NDUFAF6: variants seen among roughly 807,000 people sequenced by gnomAD.
NDUFAF6 encodes the protein NADH:ubiquinone oxidoreductase complex assembly factor 6, also known as NADH dehydrogenase (ubiquinone) complex I, assembly factor 6.
NDUFAF6 carries 45 observed loss-of-function variants against 40.8 expected under a neutral mutation model. The observed-to-expected ratio is 1.10, with a 90% confidence interval of 0.87 to 1.42. NDUFAF6 has a LOEUF of 1.42. Among genes scored for constraint, NDUFAF6 ranks in the 40% most tolerant of loss-of-function variants. NDUFAF6 has a pLI of 0.00. For missense variants in NDUFAF6, 435 were observed against 418.5 expected, an observed-to-expected ratio of 1.04 and a Z score of -0.34; for synonymous variants, 185 against 155.9, an observed-to-expected ratio of 1.19 and a Z score of -1.39.
intron 1 of NDUFAF6, among the ~76,000 whole-genome samples, chr8:95,030,925 A>G (rs1182082358): frequency 1.3e-5 from 2 of 152,154 alleles, no homozygotes; most frequent in African/African-American, 4.8e-5. Flanking sequence ...TCACATGGCA[A>G]GAGAGGAAGC....
At chr8:94,969,957 G>A (rs190448981) in intron 1 of NDUFAF6, among the ~76,000 whole-genome samples, 7 of 152,238 alleles carry the variant, frequency 4.6e-5, no homozygotes, top group Admixed American at 3.9e-4. Flanking sequence ...AAGAAATACA[G>A]ATTAAAACCT....
At position 95,057,869 on chromosome 8, in the gene NDUFAF6, T is replaced by C; in HGVS notation, c.934T>C (p.Ser312Pro). 6.2e-7 allele frequency: 1 copy of C among 1,606,842 alleles called. No individual in the cohort carries two copies. The highest frequency in any genetic ancestry group is 8.5e-7 in the Non-Finnish European group (1 of 1,173,588). ...AGTGGATTTTGATATATTCCACCCA[T>C]CTTTACAGCAGAAGAATACATTACT... ...QRVDFDIFHP[S>P]LQQKNTLLPL... The change falls in exon 9 of 9, where the codon TCT becomes CCT. Residue 312 changes from serine to proline, a missense_variant. Coordinates refer to ENST00000396124, the MANE Select transcript of NDUFAF6 (RefSeq NM_152416.4).
intron 4 of NDUFAF6, among the ~76,000 whole-genome samples, chr8:95,043,364 C>T (rs1009576538): frequency 6.6e-6 from 1 of 151,904 alleles, no homozygotes; most frequent in African/African-American, 2.4e-5. Flanking sequence ...GCTGGGATTA[C>T]AGGCTTGAGC....
At chr8:94,981,069 C>T (rs900871833) in intron 2 of NDUFAF6, 6 of 429,688 alleles carry the variant, frequency 1.4e-5, no homozygotes, top group Non-Finnish European at 2.8e-5. Context: ...GGTTTATCCC[C>T]ACAAAACTCA....
intron 7 of NDUFAF6, among the ~76,000 whole-genome samples, chr8:95,050,643 A>T (rs925545649): frequency 6.6e-6 from 1 of 152,216 alleles, no homozygotes; most frequent in African/African-American, 2.4e-5. Context: ...CATCATCATC[A>T]TCAAATAAAG....
At position 94,985,495 on chromosome 8, in the gene NDUFAF6, A is replaced by ATT. The variant is rs1563770683; in HGVS notation, c.-84+4523_-84+4524insTT. On this transcript the variant is annotated intron_variant, in intron 2 of 9. Transcript: ENST00000396111. The stretch of plus-strand genomic sequence containing the variant: ...TATATATATATATATATATATATAT[A>ATT]TATATATATATATATATATATTTTT... Among the ~76,000 whole-genome samples, 43 of 6,668 alleles carry ATT rather than the reference A, an allele frequency of 6.4e-3. 2 individuals carry two copies. The highest frequency in any genetic ancestry group is 0.011 in the Non-Finnish European group (35 of 3,188). The allele number at this position is 6,668 out of a possible 152,430, so 4.4% of individuals were successfully genotyped here.
chr8:94,983,413 C>T (rs934195992), intron 2 of NDUFAF6, among the ~76,000 whole-genome samples: 7 of 151,860 alleles, frequency 4.6e-5, no homozygotes, highest in South Asian at 2.1e-4. Flanking sequence ...TACAGGTGTG[C>T]GCCACCACTG....
At chr8:95,017,455 C>T (rs1035512443) in intron 2 of NDUFAF6, among the ~76,000 whole-genome samples, 1 of 152,198 alleles carries the variant, frequency 6.6e-6, no homozygotes, top group African/African-American at 2.4e-5. Context: ...TCATGAGCAT[C>T]TATCCATGTG....
At chr8:95,099,466 G>A (rs1399869689), upstream of NDUFAF6, among the ~76,000 whole-genome samples, 21 of 151,960 alleles carry the variant, frequency 1.4e-4, no homozygotes. Context: ...TGAGCGTAAA[G>A]AGTTCTTATA....
chr8:95,025,231 G>A, intron 1 of NDUFAF6, 26 bp downstream of exon 1: 1 of 1,374,876 alleles, frequency 7.3e-7, no homozygotes, highest in Non-Finnish European at 9.3e-7. Flanking sequence ...CTTCCCTGGC[G>A]CGGCGGGAAG....
downstream of NDUFAF6, among the ~76,000 whole-genome samples, chr8:95,104,906 T>A (rs1361882459): frequency 6.6e-6 from 1 of 152,032 alleles, no homozygotes; most frequent in Non-Finnish European, 1.5e-5. Flanking sequence ...GAGAATAAAG[T>A]TGTTAGTGAC....
At chr8:95,034,431 TC>T (rs1829236781) in intron 2 of NDUFAF6, among the ~76,000 whole-genome samples, 1 of 152,316 alleles carries the variant, frequency 6.6e-6, no homozygotes. Flanking sequence ...TGGCATTTTT[TC>T]CCCCTTCTGT....
chr8:94,963,629 T>C (rs2131494033), intron 1 of NDUFAF6, among the ~76,000 whole-genome samples: 1 of 152,330 alleles, frequency 6.6e-6, no homozygotes, highest in Non-Finnish European at 1.5e-5. Flanking sequence ...GCCAGACATC[T>C]AACTAGGTAA....
At chr8:94,941,080 G>A in intron 1 of NDUFAF6, 1 of 624,802 alleles carries the variant, frequency 1.6e-6, no homozygotes, top group Non-Finnish European at 2.8e-6. Flanking sequence ...AAAGCAAGAA[G>A]AGTCATTGTA....
chr8:94,902,864 T>G (rs944134632), intron 1 of NDUFAF6, among the ~76,000 whole-genome samples: 6 of 151,716 alleles, frequency 4.0e-5, no homozygotes, highest in African/African-American at 1.2e-4. Flanking sequence ...CCCAGCTAAT[T>G]TTTATATTTT....
At chr8:94,953,779 A>G (rs1411461782), upstream of NDUFAF6, among the ~76,000 whole-genome samples, 3 of 149,964 alleles carry the variant, frequency 2.0e-5, no homozygotes, top group East Asian at 2.0e-4. Flanking sequence ...TAAATAATCT[A>G]CCTATTTAAG....
chr8:94,976,658 A>G (rs1824973580), intron 1 of NDUFAF6, among the ~76,000 whole-genome samples: 1 of 140,228 alleles, frequency 7.1e-6, no homozygotes, highest in African/African-American at 2.6e-5. Context: ...TGGGCAACAG[A>G]GCAAGACTTC....
At chr8:95,081,160 T>C (rs1808849930), downstream of NDUFAF6, among the ~76,000 whole-genome samples, 1 of 82,018 alleles carries the variant, frequency 1.2e-5, no homozygotes, top group African/African-American at 3.9e-5. Context: ...TTTTTTTTTT[T>C]TTTTTTTTTT....
In NDUFAF6 at chr8:94,932,718, G is replaced by C. The variant is rs1820540008; in HGVS notation, c.-935-12765G>C. On this transcript the variant is annotated intron_variant, in intron 1 of 14. Coordinates refer to the NDUFAF6 transcript ENST00000396113. ...CTCGGGAGGCTGAGGCAGGAGAACGGCATGAACCCAGGAGGCGGAGCTTGC... is the reference window on the plus strand; with the variant it reads ...CTCGGGAGGCTGAGGCAGGAGAACGCCATGAACCCAGGAGGCGGAGCTTGC... 2.6e-5 allele frequency among the ~76,000 whole-genome samples: 4 copies of C among 152,292 alleles called. No individual in the cohort carries two copies. The South Asian group carries it at 8.3e-4, about 32-fold the overall frequency.
Sources: gnomAD v4.1 joint callset for allele counts (sites outside exome capture counted in the v4.1 genomes callset) on GRCh38, gnomAD v4.1.1 for gene constraint, MANE v1.5 for transcripts, NCBI Gene and HGNC (gene_info 2026-07-23, HGNC 2026-07-21) for gene names.